SYT16: variants seen among roughly 807,000 people sequenced by gnomAD.
SYT16 encodes synaptotagmin-16.
SYT16 carries 42 observed loss-of-function variants against 61.4 expected under a neutral mutation model. The observed-to-expected ratio is 0.68, with a 90% CI of 0.53 to 0.89. SYT16 has a LOEUF of 0.89. SYT16 is among the 40% of genes least tolerant of loss of function. The pLI, the probability that SYT16 is intolerant of heterozygous loss-of-function variation, is 0.00. For missense variants in SYT16, 804 were observed against 807.3 expected (o/e 1.00, Z 0.05); for synonymous variants, 314 against 302.3 (o/e 1.04, Z -0.40).
chr14:62,006,632 G>A (rs1214999519), intron 3 of SYT16, among the ~76,000 whole-genome samples: 2 of 152,100 alleles, frequency 1.3e-5, no homozygotes, highest in Admixed American at 6.6e-5. Context: ...AGCAGTTGCC[G>A]ATGATTAAGA....
intron 3 of SYT16, among the ~76,000 whole-genome samples, chr14:62,052,266 A>C (rs1027150797): frequency 2.0e-5 from 3 of 152,082 alleles, no homozygotes; most frequent in Non-Finnish European, 4.4e-5. Context: ...ATGATATGTG[A>C]TGTGTTCATT....
intron 1 of SYT16, among the ~76,000 whole-genome samples, chr14:61,951,744 C>A (rs907447645): frequency 6.6e-6 from 1 of 151,962 alleles, no homozygotes; most frequent in Non-Finnish European, 1.5e-5. Context: ...CATGACATGT[C>A]TTTATTGGGC....
intron 1 of SYT16, among the ~76,000 whole-genome samples, chr14:61,961,951 A>C (rs1166790690): frequency 6.6e-6 from 1 of 152,152 alleles, no homozygotes; most frequent in Non-Finnish European, 1.5e-5. Context: ...AAAGAATGAG[A>C]TTATGTCCTT....
At chr14:61,972,200 A>G (rs1464164310) in intron 2 of SYT16, among the ~76,000 whole-genome samples, 1 of 152,238 alleles carries the variant, frequency 6.6e-6, no homozygotes, top group African/African-American at 2.4e-5. Context: ...GCGAGGAATG[A>G]CATCACACAT....
At chr14:61,894,017 C>T (rs138224122) in intron 1 of SYT16, among the ~76,000 whole-genome samples, 71 of 152,344 alleles carry the variant, frequency 4.7e-4, no homozygotes, top group African/African-American at 1.6e-3. Flanking sequence ...GGCATGGTGG[C>T]TCATGCCTGT....
intron 1 of SYT16, among the ~76,000 whole-genome samples, chr14:61,848,623 G>T (rs1046952201): frequency 6.6e-6 from 1 of 152,146 alleles, no homozygotes; most frequent in Non-Finnish European, 1.5e-5. Context: ...TGATCAGCAG[G>T]TAGTGAAACC....
At chr14:61,921,576 A>G (rs2049336346) in intron 1 of SYT16, among the ~76,000 whole-genome samples, 1 of 152,182 alleles carries the variant, frequency 6.6e-6, no homozygotes, top group African/African-American at 2.4e-5. Context: ...AGAGGTCTAT[A>G]TTCCATATTG....
chr14:62,010,202 T>A (rs1347515140), intron 3 of SYT16, among the ~76,000 whole-genome samples: 1 of 152,212 alleles, frequency 6.6e-6, no homozygotes, highest in Non-Finnish European at 1.5e-5. Flanking sequence ...AGGTAACTGA[T>A]GAAGCAGACA....
chr14:62,035,204 C>A (rs140233046), intron 3 of SYT16, among the ~76,000 whole-genome samples: 4 of 152,258 alleles, frequency 2.6e-5, no homozygotes, highest in Non-Finnish European at 5.9e-5. Context: ...CCCCTTAAAT[C>A]CAATTTGGAT....
At chr14:62,001,189 T>C (rs959008212) in intron 3 of SYT16, among the ~76,000 whole-genome samples, 15 of 152,128 alleles carry the variant, frequency 9.9e-5, no homozygotes, top group Non-Finnish European at 2.1e-4. Flanking sequence ...CTTTGAAAAA[T>C]GCGTGACATT....
rs566280154 is a variant in SYT16, at chr14:62,068,828, C to T, written c.524-775C>T. On this transcript the variant is annotated intron_variant, in intron 3 of 7. Transcript: ENST00000683842. ...TTCTTTTTTTTGAGACAGTGTCTCACTCTGTCACCGAGGCTGGAGTGCAGT... is the reference window on the plus strand; with the variant it reads ...TTCTTTTTTTTGAGACAGTGTCTCATTCTGTCACCGAGGCTGGAGTGCAGT... Among the ~76,000 whole-genome samples the T allele has an allele frequency of 2.0e-5, 3 of 152,254 alleles. No individual in the cohort carries two copies. The South Asian group carries it at 6.2e-4, about 32-fold the overall frequency.
intron 4 of SYT16, among the ~76,000 whole-genome samples, chr14:62,072,480 C>T (rs1462264069): frequency 4.6e-5 from 7 of 152,028 alleles, no homozygotes; most frequent in South Asian, 4.1e-4. Flanking sequence ...CCCATATTTG[C>T]GGTACAGGTT....
intron 3 of SYT16, among the ~76,000 whole-genome samples, chr14:62,019,673 G>A (rs572249970): frequency 9.2e-5 from 14 of 152,228 alleles, no homozygotes; most frequent in Non-Finnish European, 1.9e-4. Context: ...TTCTTCATGG[G>A]GTACGTTTGC....
At chr14:61,816,579 C>G (rs2045433578) in intron 1 of SYT16, among the ~76,000 whole-genome samples, 1 of 152,150 alleles carries the variant, frequency 6.6e-6, no homozygotes, top group African/African-American at 2.4e-5. Flanking sequence ...AAGCAAGATT[C>G]ATCCATGGAT....
chr14:62,098,024 G>A (rs17735026), intron 7 of SYT16, among the ~76,000 whole-genome samples: 6,344 of 151,934 alleles, frequency 0.042, 199 homozygotes, highest in Middle Eastern at 0.095. Flanking sequence ...AGACAGAGAA[G>A]TGTTTTCACA....
rs367828836 is a variant in SYT16, at chr14:61,988,600, T to C, written c.-144-7276T>C. ...GAGATCATCATGCTCCAGAGCTATTTGTTGGGTAGAGTTTAAAAATATATT... is the reference window on the plus strand; with the variant it reads ...GAGATCATCATGCTCCAGAGCTATTCGTTGGGTAGAGTTTAAAAATATATT... On this transcript the variant is annotated intron_variant, in intron 2 of 7. Coordinates refer to ENST00000683842, the MANE Select transcript of SYT16 (RefSeq NM_001367656.1). Among the ~76,000 whole-genome samples the C allele has an allele frequency of 1.2e-4, 19 of 152,364 alleles. No individual in the cohort carries two copies. The East Asian group carries it at 3.7e-3, about 29-fold the overall frequency.
At chr14:61,999,544 T>A (rs2052909163) in intron 3 of SYT16, among the ~76,000 whole-genome samples, 1 of 149,608 alleles carries the variant, frequency 6.7e-6, no homozygotes, top group South Asian at 2.1e-4. Context: ...TACCTATCTG[T>A]GTTTTTTCCA....
chr14:61,931,801 A>T (rs941746916), intron 1 of SYT16, among the ~76,000 whole-genome samples: 15 of 152,170 alleles, frequency 9.9e-5, no homozygotes, highest in African/African-American at 3.6e-4. Context: ...TGCACAATGT[A>T]CATGTTTGTT....
chr14:61,901,505 C>T (rs1033620101), intron 1 of SYT16, among the ~76,000 whole-genome samples: 3 of 152,098 alleles, frequency 2.0e-5, no homozygotes, highest in African/African-American at 7.2e-5. Flanking sequence ...AGTCTGTACC[C>T]TTAAGTAGTC....
Sources: allele counts gnomAD v4.1 joint callset (sites outside exome capture counted in the v4.1 genomes callset), GRCh38; gene constraint gnomAD v4.1.1; transcripts MANE v1.5; gene names NCBI Gene and HGNC (gene_info 2026-07-23, HGNC 2026-07-21).